SCARF2: variants seen among roughly 807,000 people sequenced by gnomAD.
SCARF2 encodes scavenger receptor class F member 2.
In SCARF2, 39 loss-of-function variants were observed where a neutral mutation model predicts 73.4. The observed-to-expected ratio is 0.53, with a 90% CI of 0.41 to 0.69. SCARF2 has a LOEUF of 0.69. Ranked by LOEUF, SCARF2 falls within the 30% of genes least tolerant of loss-of-function variation. The probability of loss-of-function intolerance (pLI) is 0.00; values close to 1 mark genes in which losing one functional copy is unlikely to be tolerated. For synonymous variants in SCARF2, 605 were observed against 590.0 expected, an observed-to-expected ratio of 1.03 and a Z score of -0.37; for missense variants, 1,148 against 1,303.5, an observed-to-expected ratio of 0.88 and a Z score of 1.84.
rs1303643934 is a variant in SCARF2, at chr22:20,431,738, C to G, written c.334+7G>C. ...ACCGACCAATACCGGCCCGACCCCACGCTCACTGGTGTCGCAGTTGGCACC... is the reference window on the plus strand; with the variant it reads ...ACCGACCAATACCGGCCCGACCCCAGGCTCACTGGTGTCGCAGTTGGCACC... On this transcript the variant is annotated splice_region_variant and intron_variant, in intron 3 of 10. Transcript: ENST00000622235. 1 of 1,565,046 alleles carries G rather than the reference C, an allele frequency of 6.4e-7. No individual in the cohort carries two copies. Among genetic ancestry groups the G allele is most frequent in the Non-Finnish European group, 8.7e-7 (1 of 1,155,108 alleles).
At chr22:20,431,679 TG>T in intron 3 of SCARF2, 65 bp downstream of exon 3, 2 of 1,465,162 alleles carry the variant, frequency 1.4e-6, no homozygotes, top group Middle Eastern at 4.7e-4. Context: ...CGCCCCACCT[TG>T]GACCCCGCCC....
chr22:20,433,581 C>T (rs921289819), intron 1 of SCARF2, among the ~76,000 whole-genome samples: 5 of 152,232 alleles, frequency 3.3e-5, no homozygotes, highest in East Asian at 1.9e-4. Context: ...ACCTAGGCCT[C>T]GAGGCCCCTC....
chr22:20,431,883 A>AGGCCCG, intron 2 of SCARF2, 37 bp from the exon 3 acceptor site: 1 of 1,530,524 alleles, frequency 6.5e-7, no homozygotes, highest in Non-Finnish European at 9.0e-7. Flanking sequence ...TGCGCGTCCT[A>AGGCCCG]GCCCCGCCCC....
chr22:20,429,250 C>G lies in SCARF2; in HGVS notation c.1515G>C (p.Arg505=). 6.2e-7 allele frequency: 1 copy of G among 1,613,956 alleles called. No individual in the cohort carries two copies. Among genetic ancestry groups the G allele is most frequent in the South Asian group, 1.1e-5 (1 of 91,086 alleles). ...ISMKLPRIPL[R]RQKLPKVVVA... is the part of the protein sequence containing the mutation. ...CTACGACTTTGGGTAGTTTCTGCCT[C>G]CGGAGCGGGATCCGGGGCAGCTTCA... Residue 505 remains arginine (R), a synonymous_variant, in exon 9 of 11, where the codon CGG becomes CGC. Coordinates refer to ENST00000622235, the MANE Select transcript of SCARF2 (RefSeq NM_182895.5). The surrounding 1 kb of genome is among the most constrained non-coding windows in gnomAD (Gnocchi z 5.2).
rs753570676 is a variant in SCARF2, at chr22:20,429,696, G to T, written c.1306+34C>A. The T allele has an allele frequency of 6.8e-6, 11 of 1,613,884 alleles. No homozygotes were observed. The Admixed American group carries it at 1.8e-4, about 27-fold the overall frequency. On this transcript the variant is annotated intron_variant, in intron 7 of 10. Transcript: ENST00000622235. The surrounding 1 kb of genome is among the most constrained non-coding windows in gnomAD (Gnocchi z 5.2). ...GTCAGCGCGGTTTCTGGCACCCCCT[G>T]CATTCCTTAACGGGACGCCCCTCAT...
intron 1 of SCARF2, among the ~76,000 whole-genome samples, chr22:20,437,280 C>T (rs978315035): frequency 6.6e-6 from 1 of 152,362 alleles, no homozygotes; most frequent in South Asian, 2.1e-4. Context: ...GACTTCACAA[C>T]TCGGTCAAGG....
intron 10 of SCARF2, 79 bp from the exon 11 acceptor site, chr22:20,426,361 C>T (rs2052578940): frequency 4.1e-6 from 6 of 1,462,786 alleles, no homozygotes; most frequent in Non-Finnish European, 3.7e-6. Context: ...AAACCTTCAC[C>T]TTTCCTCCTC....
Position 20,437,666 on chromosome 22 carries a change from A to AGCAGCAGCGACGGGCT in SCARF2, c.88_89insAGCCCGTCGCTGCTGC (p.Leu30GlnfsTer103). 1 of 1,520,272 alleles carries AGCAGCAGCGACGGGCT rather than the reference A, an allele frequency of 6.6e-7. No homozygotes were observed. Among genetic ancestry groups the AGCAGCAGCGACGGGCT allele is most frequent in the Non-Finnish European group, 8.8e-7 (1 of 1,140,982 alleles). The allele number at this position is 1,520,272 out of a possible 1,614,324, so 94.2% of individuals were successfully genotyped here. On this transcript the variant is annotated frameshift_variant, in exon 1 of 11. Coordinates refer to ENST00000622235, the MANE Select transcript of SCARF2 (RefSeq NM_182895.5). LOFTEE classifies it high-confidence loss of function. Reference sequence around the variant, plus strand: ...CGGCAGCATCCAGAGCAGCAGCAGCAGCAGCAGCGACGGCAGCAGCGGTGA... The same window carrying AGCAGCAGCGACGGGCT: ...CGGCAGCATCCAGAGCAGCAGCAGCAGCAGCAGCGACGGGCTGCAGCAGCGACGGCAGCAGCGGTGA...
rs1431220814 is a variant in SCARF2 at position 20,430,733 on chromosome 22, T to C, written c.1030A>G (p.Thr344Ala). The C allele has an allele frequency of 2.1e-5, 34 of 1,607,404 alleles. No homozygotes were observed. Among genetic ancestry groups the C allele is most frequent in the Non-Finnish European group, 2.7e-5 (32 of 1,177,510 alleles). ...GCGTTGCAGCGCGTACACTTGCCGGTGACATGGTTACAGGCATGCCCGTCG... is the reference window on the plus strand; with the variant it reads ...GCGTTGCAGCGCGTACACTTGCCGGCGACATGGTTACAGGCATGCCCGTCG... Reference protein sequence around the residue: ...CRDGHACNHVTGKCTRCNAGW... With the variant: ...CRDGHACNHVAGKCTRCNAGW... The change falls in exon 5 of 11, where the codon ACC (threonine) becomes GCC (alanine). Residue 344 changes from threonine to alanine, a missense_variant. By Grantham distance (58) the Thr-to-Ala change is moderately conservative. This residue lies in a region of SCARF2 where 372 missense variants were observed against 532.0 expected (regional missense o/e 0.70). Coordinates refer to ENST00000622235, the MANE Select transcript of SCARF2 (RefSeq NM_182895.5).
chr22:20,430,316 G>T, intron 6 of SCARF2, 113 bp downstream of exon 6: 2 of 1,311,616 alleles, frequency 1.5e-6, no homozygotes, highest in Non-Finnish European at 2.1e-6. Context: ...TGGGGTAAGG[G>T]ACCAAGGCTG....
rs371123847 is a variant in SCARF2 at position 20,427,463 on chromosome 22, G to A, written c.1628C>T (p.Ser543Phe). The A allele has an allele frequency of 1.2e-6, 2 of 1,614,100 alleles. No homozygotes were observed. The highest frequency in any genetic ancestry group is 2.7e-5 in the African/African-American group (2 of 74,944). ...GLEQPSPSWS[S>F]RASFSSFDTT... ...GTCAAACGAGGAGAAGGAGGCCCGAGAGGACCAGGATGGTGAGGGCTGCTC... is the reference window on the plus strand; with the variant it reads ...GTCAAACGAGGAGAAGGAGGCCCGAAAGGACCAGGATGGTGAGGGCTGCTC... The change falls in exon 10 of 11, where the codon TCT (serine) becomes TTT (phenylalanine). Residue 543 changes from serine (S) to phenylalanine (F), a missense_variant. Transcript: ENST00000622235.
Position 20,430,922 on chromosome 22 carries a change from C to T in SCARF2, c.855-14G>A. ...CACTGGCCACACCTGGGGGAGGGGTCGGAGGCTAGGGAAGGCTGGGACCCG... is the reference window on the plus strand; with the variant it reads ...CACTGGCCACACCTGGGGGAGGGGTTGGAGGCTAGGGAAGGCTGGGACCCG... On this transcript the variant is annotated splice_polypyrimidine_tract_variant and intron_variant, in intron 4 of 10. Coordinates refer to ENST00000622235, the MANE Select transcript of SCARF2 (RefSeq NM_182895.5). 6.3e-7 allele frequency: 1 copy of T among 1,576,880 alleles called. No individual in the cohort carries two copies. The highest frequency in any genetic ancestry group is 8.6e-7 in the Non-Finnish European group (1 of 1,165,138).
chr22:20,437,673 G>A lies in SCARF2; in HGVS notation c.82C>T (p.Leu28=). The change falls in exon 1 of 11, where the codon CTG becomes TTG. Residue 28 remains leucine (L), a synonymous_variant. Transcript: ENST00000622235. ...GGPPSPLLPS[L]LLLLLLWMLP... is the part of the protein sequence containing the mutation. ...ATCCAGAGCAGCAGCAGCAGCAGCA[G>A]CGACGGCAGCAGCGGTGACGGCGGC... 2 of 1,510,310 alleles carry A rather than the reference G, an allele frequency of 1.3e-6. No homozygotes were observed. Among genetic ancestry groups the A allele is most frequent in the Admixed American group, 2.0e-5 (1 of 49,054 alleles). The allele number at this position is 1,510,310 out of a possible 1,614,324, so 93.6% of individuals were successfully genotyped here. A position where few individuals can be genotyped will look rare whatever the true frequency, so the allele number is the denominator to read the frequency against.
In SCARF2 at chr22:20,427,409, A is replaced by T; in HGVS notation, c.1682T>A (p.Val561Glu). ...AGGGCCTTACTTACCCTCATGGGGT[A>T]CACAGTACACAGGGCCTTCATCAGT... ...DTTDEGPVYC[V>E]PHEEAPAESR... Residue 561 changes from valine to glutamate, a missense_variant, in exon 10 of 11, where the codon GTA becomes GAA. Coordinates refer to ENST00000622235, the MANE Select transcript of SCARF2 (RefSeq NM_182895.5). 2 of 1,614,194 alleles carry T rather than the reference A, an allele frequency of 1.2e-6. No individual in the cohort carries two copies. The highest frequency in any genetic ancestry group is 2.2e-5 in the East Asian group (1 of 44,890).
chr22:20,437,706 C>G lies in SCARF2; in HGVS notation c.49G>C (p.Ala17Pro). The G allele has an allele frequency of 7.0e-7, 1 of 1,425,506 alleles. No homozygotes were observed. The highest frequency in any genetic ancestry group is 2.8e-5 in the Admixed American group (1 of 35,192). The allele number at this position is 1,425,506 out of a possible 1,614,324, so 88.3% of individuals were successfully genotyped here. ...AGCAGCGGTGACGGCGGCCCCCCGG[C>G]TCCCCGGCGCCGCGCCGGCCCGGCC... ...RGAGPARRRG[A>P]GGPPSPLLPS... The change falls in exon 1 of 11, where the codon GCC (alanine) becomes CCC (proline). Residue 17 changes from alanine to proline, a missense_variant. By Grantham distance (27) the Ala-to-Pro change is conservative. Coordinates refer to ENST00000622235, the MANE Select transcript of SCARF2 (RefSeq NM_182895.5).
chr22:20,436,720 C>T (rs1024217975), intron 1 of SCARF2, among the ~76,000 whole-genome samples: 4 of 152,196 alleles, frequency 2.6e-5, no homozygotes, highest in Admixed American at 6.5e-5. Flanking sequence ...CCCCCACACG[C>T]CCGCTCCTCA....
rs2146120458 is a variant in SCARF2 at position 20,426,093 on chromosome 22, C to T, written c.1883G>A (p.Arg628Gln). 1.3e-6 allele frequency: 2 copies of T among 1,498,568 alleles called. No individual in the cohort carries two copies. Among genetic ancestry groups the T allele is most frequent in the Non-Finnish European group, 1.8e-6 (2 of 1,133,784 alleles). The allele number at this position is 1,498,568 out of a possible 1,614,324, so 92.8% of individuals were successfully genotyped here. The part of the protein sequence containing the change: ...PGGALYARVA[R>Q]REARPARARG... ...GGCCCGGGCCGGCCGGGCCTCGCGT[C>T]GGGCCACGCGCGCGTACAGAGCCCC... Residue 628 changes from arginine (R) to glutamine (Q), a missense_variant, in exon 11 of 11, where the codon CGA (arginine) becomes CAA (glutamine). Arg to Gln is a conservative substitution (Grantham distance 43, BLOSUM62 1). Transcript: ENST00000622235.
chr22:20,429,543 T>C lies in SCARF2; in HGVS notation c.1417A>G (p.Thr473Ala), dbSNP rs2146126955. The change falls in exon 8 of 11, where the codon ACG (threonine) becomes GCG (alanine). Residue 473 changes from threonine (T) to alanine (A), a missense_variant. By Grantham distance (58) the Thr-to-Ala change is moderately conservative. Around this residue, in one of 5 missense-constraint regions of SCARF2, gnomAD observed 437 missense variants for 433.6 expected, o/e 1.01. Coordinates refer to ENST00000622235, the MANE Select transcript of SCARF2 (RefSeq NM_182895.5). The surrounding 1 kb of genome is among the most constrained non-coding windows in gnomAD (Gnocchi z 5.2). ...GGCAGTATCTGGGCTCACCGGCGCG[T>C]AGGGTCCTTGCCGCGGCAAGCGCAG... ...CCCACRGKDP[T>A]RRELSLGRKK... The C allele has an allele frequency of 6.2e-7, 1 of 1,612,598 alleles. No homozygotes were observed. The highest frequency in any genetic ancestry group is 8.5e-7 in the Non-Finnish European group (1 of 1,179,678).
rs2052717347 is a variant in SCARF2 at position 20,437,685 on chromosome 22, G to C, written c.70C>G (p.Leu24Val). The change falls in exon 1 of 11, where the codon CTG becomes GTG. Residue 24 changes from leucine (L) to valine (V), a missense_variant. Physicochemically the swap from Leu to Val is conservative, Grantham distance 32. Transcript: ENST00000622235. ...AGCAGCAGCAGCAGCGACGGCAGCA[G>C]CGGTGACGGCGGCCCCCCGGCTCCC... Reference protein sequence around the residue: ...RRGAGGPPSPLLPSLLLLLLL... With the variant: ...RRGAGGPPSPVLPSLLLLLLL... 6.7e-7 allele frequency: 1 copy of C among 1,481,510 alleles called. No homozygotes were observed. Among genetic ancestry groups the C allele is most frequent in the African/African-American group, 1.5e-5 (1 of 68,306 alleles). The allele number at this position is 1,481,510 out of a possible 1,614,324, so 91.8% of individuals were successfully genotyped here. A position where few individuals can be genotyped will look rare whatever the true frequency, so the allele number is the denominator to read the frequency against.
Sources: gnomAD v4.1 joint callset for allele counts (sites outside exome capture counted in the v4.1 genomes callset) on GRCh38, gnomAD v4.1.1 for gene constraint, gnomAD v4.1.1 regional missense constraint, Gnocchi (gnomAD v3.1) non-coding constraint, MANE v1.5 for transcripts, NCBI Gene and HGNC (gene_info 2026-07-23, HGNC 2026-07-21) for gene names.